The following SLC1A4 variants were observed in gnomAD, a reference collection of about 807,000 sequenced individuals.
SLC1A4 encodes solute carrier family 1 member 4.
Under a neutral mutation model 37.7 loss-of-function variants are expected in SLC1A4, and 19 were observed. That is an observed-to-expected ratio of 0.50 (90% CI 0.35 to 0.74). SLC1A4 has a LOEUF of 0.74. SLC1A4 is among the 30% of genes least tolerant of loss of function. The pLI is 0.01. For synonymous variants in SLC1A4, 299 were observed against 309.8 expected (o/e 0.97, Z 0.37); for missense variants, 570 against 712.9 (o/e 0.80, Z 2.28).
In SLC1A4 at chr2:65,018,684, G is replaced by A; in HGVS notation, c.1364+5G>A. On this transcript the variant is annotated splice_donor_5th_base_variant and intron_variant, in intron 7 of 7. Coordinates refer to ENST00000234256, the MANE Select transcript of SLC1A4 (RefSeq NM_003038.5). The surrounding 1 kb of genome is among the most constrained non-coding windows in gnomAD (Gnocchi z 4.3). The stretch of plus-strand genomic sequence containing the variant: ...CCTGGCTGTGGACTGGATTGTGTAA[G>A]TAACAAGTCCTGAGAACACCAAAAA... The A allele has an allele frequency of 1.2e-6, 2 of 1,614,100 alleles. No homozygotes were observed. Among genetic ancestry groups the A allele is most frequent in the Non-Finnish European group, 1.7e-6 (2 of 1,180,010 alleles).
chr2:64,991,803 A>G (rs1308660711), intron 1 of SLC1A4, among the ~76,000 whole-genome samples: 2 of 152,074 alleles, frequency 1.3e-5, no homozygotes, highest in South Asian at 4.1e-4. Context: ...GGGTTTCACC[A>G]TGTTAGCCAG....
intron 5 of SLC1A4, among the ~76,000 whole-genome samples, chr2:65,016,977 A>G (rs1038617382): frequency 1.3e-5 from 2 of 152,144 alleles, no homozygotes; most frequent in African/African-American, 2.4e-5. Flanking sequence ...CCAGCCCCAA[A>G]GCTTTTCTGT....
At chr2:65,006,793 A>T (rs768277719) in intron 3 of SLC1A4, among the ~76,000 whole-genome samples, 1 of 152,206 alleles carries the variant, frequency 6.6e-6, no homozygotes, top group African/African-American at 2.4e-5. Flanking sequence ...TTTCTATACT[A>T]GCCAAGTATG....
chr2:65,021,312 C>T lies in SLC1A4; in HGVS notation c.*166C>T, dbSNP rs544656140. On this transcript the variant is annotated 3_prime_UTR_variant, in exon 8 of 8. Transcript: ENST00000234256. ...TACCTCTCGGCACTGGCATTGGGCT[C>T]CCCAGCCGGAACTGGTTACCAAGGA... 1.6e-6 allele frequency: 1 copy of T among 611,322 alleles called. No homozygotes were observed. Among genetic ancestry groups the T allele is most frequent in the Non-Finnish European group, 2.9e-6 (1 of 346,814 alleles). The allele number at this position is 611,322 out of a possible 1,614,324, so 37.9% of individuals were successfully genotyped here. A position where few individuals can be genotyped will look rare whatever the true frequency, so the allele number is the denominator to read the frequency against.
chr2:65,019,853 C>T (rs549023331), intron 7 of SLC1A4, among the ~76,000 whole-genome samples: 10 of 152,326 alleles, frequency 6.6e-5, no homozygotes, highest in African/African-American at 2.4e-4. Context: ...GGCACCAAGC[C>T]GGCTGCCCAG....
Position 64,989,972 on chromosome 2 carries a change from T to G in SLC1A4, c.329T>G (p.Leu110Arg). The change falls in exon 1 of 8, where the codon CTC becomes CGC. Residue 110 changes from leucine (L) to arginine (R), a missense_variant. Physicochemically the swap from Leu to Arg is moderately radical, Grantham distance 102. Coordinates refer to ENST00000234256, the MANE Select transcript of SLC1A4 (RefSeq NM_003038.5). ...SGAASLDASC[L>R]GRLGGIAVAY... is the part of the protein sequence containing the mutation. The stretch of plus-strand genomic sequence containing the variant: ...GCCGCCTCGCTCGATGCCAGCTGCC[T>G]CGGGCGTCTGGGCGGCATCGCTGTC... The G allele has an allele frequency of 6.3e-7, 1 of 1,582,220 alleles. No homozygotes were observed. Among genetic ancestry groups the G allele is most frequent in the East Asian group, 2.3e-5 (1 of 43,210 alleles).
At chr2:65,005,276 T>C (rs1426047907) in intron 3 of SLC1A4, among the ~76,000 whole-genome samples, 1 of 152,198 alleles carries the variant, frequency 6.6e-6, no homozygotes, top group African/African-American at 2.4e-5. Context: ...CTGCCTACTA[T>C]TTCCCAGTAA....
At chr2:65,010,124 G>A (rs1673858569) in intron 3 of SLC1A4, among the ~76,000 whole-genome samples, 1 of 152,088 alleles carries the variant, frequency 6.6e-6, no homozygotes, top group Non-Finnish European at 1.5e-5. Flanking sequence ...TATAGACAGG[G>A]TTTCACCATG....
chr2:64,988,844 A>G (rs1239366537), upstream of SLC1A4, among the ~76,000 whole-genome samples: 2 of 151,102 alleles, frequency 1.3e-5, no homozygotes, highest in Non-Finnish European at 3.0e-5. Context: ...CTGGCGGGAG[A>G]GGCCGGCGAG....
chr2:65,010,966 G>A (rs1259874898), intron 4 of SLC1A4, among the ~76,000 whole-genome samples: 1 of 152,160 alleles, frequency 6.6e-6, no homozygotes, highest in African/African-American at 2.4e-5. Flanking sequence ...AGAGAGCCAG[G>A]CATGCACCAC....
intron 1 of SLC1A4, among the ~76,000 whole-genome samples, chr2:64,991,852 C>T (rs944683742): frequency 6.6e-6 from 1 of 152,110 alleles, no homozygotes; most frequent in Non-Finnish European, 1.5e-5. Context: ...CCACCCGCCT[C>T]GGCCTCCCAA....
In SLC1A4 at chr2:65,018,034, G is replaced by C; in HGVS notation, c.1035-37G>C. The C allele has an allele frequency of 2.5e-6, 4 of 1,592,024 alleles. No individual in the cohort carries two copies. Among genetic ancestry groups the C allele is most frequent in the Non-Finnish European group, 3.4e-6 (4 of 1,162,294 alleles). The stretch of plus-strand genomic sequence containing the variant: ...GACACATGTTAGCCTGCCTCGGACT[G>C]TTGTCATGTCTGGCGGTTTGTTTTT... On this transcript the variant is annotated intron_variant, in intron 5 of 7. Transcript: ENST00000234256. The surrounding 1 kb of genome is among the most constrained non-coding windows in gnomAD (Gnocchi z 4.3).
At chr2:64,998,130 G>A (rs897101204) in intron 1 of SLC1A4, among the ~76,000 whole-genome samples, 2 of 151,024 alleles carry the variant, frequency 1.3e-5, no homozygotes, top group East Asian at 1.9e-4. Context: ...CCAGCTACTC[G>A]GGAGACTGAG....
At position 65,018,831 on chromosome 2, in the gene SLC1A4, G is replaced by A. The variant is rs1674295104; in HGVS notation, c.1364+152G>A. On this transcript the variant is annotated intron_variant, in intron 7 of 7. Coordinates refer to ENST00000234256, the MANE Select transcript of SLC1A4 (RefSeq NM_003038.5). This position sits in a 1 kb window ranked among gnomAD's most constrained non-coding sequence, Gnocchi z 4.3. Reference sequence around the variant, plus strand: ...TGGAGCTAAAAGGGCAAGATTTAGAGCTAGGAAAAATTAAACAATATGAGA... The same window carrying A: ...TGGAGCTAAAAGGGCAAGATTTAGAACTAGGAAAAATTAAACAATATGAGA... The A allele has an allele frequency of 4.6e-6, 4 of 867,896 alleles. No individual in the cohort carries two copies. The East Asian group carries it at 9.9e-5, about 21-fold the overall frequency. The allele number at this position is 867,896 out of a possible 1,614,324, so 53.8% of individuals were successfully genotyped here.
At chr2:64,997,155 A>G (rs1181390919) in intron 1 of SLC1A4, among the ~76,000 whole-genome samples, 4 of 152,114 alleles carry the variant, frequency 2.6e-5, no homozygotes, top group Admixed American at 6.5e-5. Context: ...GATGCTTTCT[A>G]TGGTGCTTCA....
At chr2:65,010,785 A>G in intron 4 of SLC1A4, 22 bp downstream of exon 4, 1 of 1,597,018 alleles carries the variant, frequency 6.3e-7, no homozygotes, top group Non-Finnish European at 8.5e-7. Flanking sequence ...TTTGCTGCCT[A>G]CTCTCTCTCT....
intron 3 of SLC1A4, among the ~76,000 whole-genome samples, chr2:65,004,374 C>A (rs927789244): frequency 6.6e-6 from 1 of 152,058 alleles, no homozygotes; most frequent in Admixed American, 6.6e-5. Flanking sequence ...CTCAGTCTCC[C>A]GAGTAGCTGG....
Position 65,022,755 on chromosome 2 carries a change from G to A in SLC1A4, c.*1609G>A, listed in dbSNP as rs1196450460. 1 of 152,094 alleles carries A rather than the reference G, an allele frequency of 6.6e-6. No homozygotes were observed. Among genetic ancestry groups the A allele is most frequent in the African/African-American group, 2.4e-5 (1 of 41,368 alleles). The allele number at this position is 152,094 out of a possible 1,614,324, so 9.4% of individuals were successfully genotyped here. A position where few individuals can be genotyped will look rare whatever the true frequency, so the allele number is the denominator to read the frequency against. On this transcript the variant is annotated 3_prime_UTR_variant, in exon 8 of 8. Coordinates refer to ENST00000234256, the MANE Select transcript of SLC1A4 (RefSeq NM_003038.5). ...ACCCCACCTTCCACCATGGTTCTGG[G>A]CGCCTGATTTTGCTGTGACTCCCAG...
intron 5 of SLC1A4, among the ~76,000 whole-genome samples, chr2:65,017,167 ATTGCAGGGAAGT>A (rs1674174940): frequency 6.6e-6 from 1 of 152,144 alleles, no homozygotes. Context: ...TCAAAAATGC[ATTGCAGGGAAGT>A]TTCTAGAATG....
Sources: allele counts gnomAD v4.1 joint callset (sites outside exome capture counted in the v4.1 genomes callset), GRCh38; gene constraint gnomAD v4.1.1; non-coding constraint Gnocchi (gnomAD v3.1); transcripts MANE v1.5; gene names NCBI Gene and HGNC (gene_info 2026-07-23, HGNC 2026-07-21).